TMTC3: variants seen among roughly 807,000 people sequenced by gnomAD.
TMTC3 encodes the protein protein O-mannosyl-transferase TMTC3.
In TMTC3, 52 loss-of-function variants were observed where a neutral mutation model predicts 92.2. That is an observed-to-expected ratio of 0.56 (90% CI 0.45 to 0.71). TMTC3 has a LOEUF of 0.71. TMTC3 is among the 30% of genes least tolerant of loss of function. The pLI, the probability that TMTC3 is intolerant of heterozygous loss-of-function variation, is 0.00. For synonymous variants in TMTC3, 339 were observed against 363.3 expected (o/e 0.93, Z 0.76); for missense variants, 896 against 1,057.1 (o/e 0.85, Z 2.11).
At chr12:88,165,109 TA>T (rs2041129435) in intron 6 of TMTC3, among the ~76,000 whole-genome samples, 1 of 152,122 alleles carries the variant, frequency 6.6e-6, no homozygotes, top group Non-Finnish European at 1.5e-5. Context: ...TGAATTTATG[TA>T]TGTGTTAGTA....
At chr12:88,158,649 A>G (rs1330880159) in intron 4 of TMTC3, among the ~76,000 whole-genome samples, 2 of 140,614 alleles carry the variant, frequency 1.4e-5, no homozygotes, top group East Asian at 4.2e-4. Context: ...ATGTATTTCT[A>G]TATTAAGCCC....
intron 1 of TMTC3, among the ~76,000 whole-genome samples, chr12:88,145,526 A>C (rs1471677091): frequency 6.6e-6 from 1 of 152,216 alleles, no homozygotes; most frequent in Non-Finnish European, 1.5e-5. Flanking sequence ...GGTTAGGGAC[A>C]TGCCGAAAAG....
intron 9 of TMTC3, among the ~76,000 whole-genome samples, chr12:88,175,049 C>T (rs1009848231): frequency 1.6e-4 from 25 of 151,844 alleles, no homozygotes; most frequent in African/African-American, 6.0e-4. Flanking sequence ...TTTTTTATAT[C>T]TCTGAAATCA....
intron 9 of TMTC3, among the ~76,000 whole-genome samples, chr12:88,175,279 G>A (rs1163262949): frequency 6.6e-6 from 1 of 151,978 alleles, no homozygotes; most frequent in Non-Finnish European, 1.5e-5. Flanking sequence ...TCTATAGAAT[G>A]GACATTATAA....
intron 10 of TMTC3, among the ~76,000 whole-genome samples, chr12:88,188,050 T>C (rs946740829): frequency 6.6e-6 from 1 of 152,164 alleles, no homozygotes; most frequent in African/African-American, 2.4e-5. Flanking sequence ...GAGACATAAG[T>C]TCCTGACATT....
In TMTC3 at chr12:88,166,514, T is replaced by G. The variant is rs2041145388; in HGVS notation, c.982T>G (p.Cys328Gly). ...IRNLATFTFFCFLGMLGVFSI... is the reference protein window; with the variant it reads ...IRNLATFTFFGFLGMLGVFSI... ...AAATCTGGCCACATTTACTTTCTTTTGTTTTCTGGGGATGTTGGGAGTATT... is the reference window on the plus strand; with the variant it reads ...AAATCTGGCCACATTTACTTTCTTTGGTTTTCTGGGGATGTTGGGAGTATT... The change falls in exon 7 of 14, where the codon TGT becomes GGT. Residue 328 changes from cysteine to glycine, a missense_variant. By Grantham distance (159) the Cys-to-Gly change is radical. Transcript: ENST00000266712. The G allele has an allele frequency of 5.6e-6, 9 of 1,614,000 alleles. No individual in the cohort carries two copies. In the East Asian group the frequency reaches 2.0e-4, roughly 36 times the overall value.
chr12:88,174,828 T>G, intron 9 of TMTC3, 101 bp downstream of exon 9: 1 of 1,405,448 alleles, frequency 7.1e-7, no homozygotes, highest in Non-Finnish European at 9.9e-7. Context: ...CATTTAACAG[T>G]CAATATTAAG....
intron 1 of TMTC3, among the ~76,000 whole-genome samples, chr12:88,143,162 T>C (rs539149157): frequency 8.5e-5 from 13 of 152,142 alleles, no homozygotes; most frequent in Middle Eastern, 3.4e-3. Context: ...CTTTGTCTTT[T>C]TTTTTTTTTA....
intron 10 of TMTC3, among the ~76,000 whole-genome samples, chr12:88,183,013 C>T (rs1014224397): frequency 2.0e-5 from 3 of 152,066 alleles, no homozygotes; most frequent in South Asian, 2.1e-4. Flanking sequence ...ACTGATAGCC[C>T]GTAAGTCATG....
intron 1 of TMTC3, among the ~76,000 whole-genome samples, chr12:88,142,964 G>A (rs970962412): frequency 9.2e-5 from 14 of 152,104 alleles, no homozygotes; most frequent in Non-Finnish European, 1.9e-4. Context: ...GTTGCCACTT[G>A]CTTGGTTACC....
At chr12:88,160,603 T>A in intron 5 of TMTC3, 76 bp from the exon 6 acceptor site, 1 of 1,276,316 alleles carries the variant, frequency 7.8e-7, no homozygotes, top group Non-Finnish European at 1.1e-6. Context: ...AATCTTGCAA[T>A]TAGAAAGTAC....
rs1450140535 is a variant in TMTC3, at chr12:88,199,496, TA to T, written c.*3849del. 3 of 152,174 alleles carry T rather than the reference TA, an allele frequency of 2.0e-5. No individual in the cohort carries two copies. The highest frequency in any genetic ancestry group is 4.4e-5 in the Non-Finnish European group (3 of 68,016). The allele number at this position is 152,174 out of a possible 1,614,324, so 9.4% of individuals were successfully genotyped here. ...AGTCTTGGATTTGATGCATATGACTTAATTTGTATTTGTGCTAGTAGCTGTA... is the reference window on the plus strand; with the variant it reads ...AGTCTTGGATTTGATGCATATGACTTATTTGTATTTGTGCTAGTAGCTGTA... On this transcript the variant is annotated 3_prime_UTR_variant, in exon 14 of 14. Transcript: ENST00000266712.
rs2041502553 is a variant in TMTC3, at chr12:88,195,590, A to G, written c.2686A>G (p.Lys896Glu). 1 of 1,604,640 alleles carries G rather than the reference A, an allele frequency of 6.2e-7. No homozygotes were observed. The highest frequency in any genetic ancestry group is 1.1e-5 in the South Asian group (1 of 88,380). The part of the protein sequence containing the change: ...TTKDIKEIEK[K>E]RVAALKRLEE... ...AAAAGACATCAAAGAAATTGAGAAG[A>G]AAAGAGTTGCTGCTTTAAAAAGACT... The change falls in exon 14 of 14, where the codon AAA (lysine) becomes GAA (glutamate). Residue 896 changes from lysine to glutamate, a missense_variant. Coordinates refer to ENST00000266712, the MANE Select transcript of TMTC3 (RefSeq NM_181783.4).
chr12:88,191,619 G>A (rs1413975850), intron 12 of TMTC3, among the ~76,000 whole-genome samples: 1 of 152,014 alleles, frequency 6.6e-6, no homozygotes, highest in Non-Finnish European at 1.5e-5. Context: ...TTCTTAACTG[G>A]TCCTCAATTC....
intron 12 of TMTC3, 71 bp downstream of exon 12, chr12:88,190,693 A>G: frequency 6.8e-7 from 1 of 1,478,152 alleles, no homozygotes. Flanking sequence ...TTTTGAATGA[A>G]TTGGTTTTTT....
At chr12:88,183,517 T>C (rs1460865007) in intron 10 of TMTC3, among the ~76,000 whole-genome samples, 5 of 152,122 alleles carry the variant, frequency 3.3e-5, no homozygotes, top group Non-Finnish European at 7.4e-5. Context: ...AACCTCTGTT[T>C]CCCCTTTGGT....
intron 4 of TMTC3, among the ~76,000 whole-genome samples, 186 bp downstream of exon 4, chr12:88,154,573 G>A (rs2040983220): frequency 6.6e-6 from 1 of 152,092 alleles, no homozygotes; most frequent in Non-Finnish European, 1.5e-5. Context: ...GGAAGTTTGT[G>A]TATAATTTAT....
At chr12:88,174,821 T>G in intron 9 of TMTC3, 94 bp downstream of exon 9, 2 of 1,462,552 alleles carry the variant, frequency 1.4e-6, no homozygotes, top group Non-Finnish European at 9.4e-7. Context: ...AATTAGACAT[T>G]TAACAGTCAA....
chr12:88,160,095 T>G lies in TMTC3; in HGVS notation c.509-19T>G, dbSNP rs1277343047. On this transcript the variant is annotated intron_variant, in intron 4 of 13. Transcript: ENST00000266712. ...AAATTGTTTTCTGAATTTTTATATT[T>G]TCTGTTCTCAAATTGCAGTATGGAC... 4.0e-6 allele frequency: 6 copies of G among 1,484,506 alleles called. No individual in the cohort carries two copies. Among genetic ancestry groups the G allele is most frequent in the Non-Finnish European group, 5.5e-6 (6 of 1,091,960 alleles). The allele number at this position is 1,484,506 out of a possible 1,614,324, so 92.0% of individuals were successfully genotyped here.
Sources: gnomAD v4.1 joint callset for allele counts (sites outside exome capture counted in the v4.1 genomes callset) on GRCh38, gnomAD v4.1.1 for gene constraint, MANE v1.5 for transcripts, NCBI Gene and HGNC (gene_info 2026-07-23, HGNC 2026-07-21) for gene names.